Variants in PLEKHG7 observed in about 807,000 individuals in gnomAD.
PLEKHG7 encodes pleckstrin homology and RhoGEF domain containing G7, also known as pleckstrin homology domain-containing family G member 7.
PLEKHG7 carries 77 observed loss-of-function variants against 85.2 expected under a neutral mutation model. The ratio of observed to expected loss-of-function variants is 0.90; its 90% CI spans 0.75 to 1.09. The LOEUF (loss-of-function observed/expected upper bound fraction) is 1.09, where lower values mean the gene tolerates loss of function less well. Among genes scored for constraint, PLEKHG7 ranks in the 50% least tolerant of loss-of-function variants. The pLI is 0.00. For missense variants in PLEKHG7, 777 were observed against 804.3 expected, an observed-to-expected ratio of 0.97 and a Z score of 0.41; for synonymous variants, 301 against 302.4, an observed-to-expected ratio of 1.00 and a Z score of 0.05.
rs1203077794 is a variant in PLEKHG7 at position 92,749,029 on chromosome 12, G to C, written c.1251+3438G>C. On this transcript the variant is annotated intron_variant, in intron 10 of 16. Coordinates refer to ENST00000344636, the MANE Select transcript of PLEKHG7 (RefSeq NM_001377329.1). The stretch of plus-strand genomic sequence containing the variant: ...ATGCTGAAAGATATGGTTGTTCTAG[G>C]GCAGAGGTAGGATTGAATTCAGACC... Among the ~76,000 whole-genome samples, 5 of 152,158 alleles carry C rather than the reference G, an allele frequency of 3.3e-5. No individual in the cohort carries two copies. The East Asian group carries it at 7.7e-4, about 23-fold the overall frequency.
intron 13 of PLEKHG7, 70 bp from the exon 14 acceptor site, chr12:92,761,682 G>GAAAT: frequency 7.4e-7 from 1 of 1,356,948 alleles, no homozygotes; most frequent in Non-Finnish European, 9.5e-7. Flanking sequence ...AAGAAAGAAA[G>GAAAT]AAAGGGAAAG....
chr12:92,763,965 G>T (rs1326869724), intron 14 of PLEKHG7, 76 bp from the exon 15 acceptor site: 8 of 1,272,132 alleles, frequency 6.3e-6, no homozygotes, highest in Non-Finnish European at 7.6e-6. Flanking sequence ...GAATCTATTT[G>T]CTTACAGATG....
At chr12:92,740,652 TG>T (rs999870592) in intron 7 of PLEKHG7, among the ~76,000 whole-genome samples, 200 bp from the exon 8 acceptor site, 1 of 152,216 alleles carries the variant, frequency 6.6e-6, no homozygotes, top group Non-Finnish European at 1.5e-5. Context: ...ACTTTCATAC[TG>T]AAAAGCTCAT....
At chr12:92,712,154 G>T (rs777427773) in intron 3 of PLEKHG7, among the ~76,000 whole-genome samples, 1 of 152,198 alleles carries the variant, frequency 6.6e-6, no homozygotes, top group Non-Finnish European at 1.5e-5. Flanking sequence ...GCTACTTCTT[G>T]CTCACTGGAT....
At chr12:92,713,132 A>G (rs1871396818) in intron 3 of PLEKHG7, among the ~76,000 whole-genome samples, 1 of 152,228 alleles carries the variant, frequency 6.6e-6, no homozygotes, top group South Asian at 2.1e-4. Flanking sequence ...GCATATCAAA[A>G]AAAGATTCAC....
At chr12:92,736,360 G>A (rs1872149968) in intron 5 of PLEKHG7, 122 bp from the exon 6 acceptor site, 1 of 569,324 alleles carries the variant, frequency 1.8e-6, no homozygotes. Context: ...GTGGCTTAAA[G>A]ACAAAATATG....
intron 6 of PLEKHG7, among the ~76,000 whole-genome samples, chr12:92,736,783 A>T (rs1454822327): frequency 2.6e-5 from 4 of 152,208 alleles, no homozygotes; most frequent in African/African-American, 9.6e-5. Flanking sequence ...ATCTTAAATA[A>T]GGTAACAAAT....
chr12:92,771,751 G>A lies in PLEKHG7; in HGVS notation c.*1556G>A, dbSNP rs1448010591. On this transcript the variant is annotated 3_prime_UTR_variant, in exon 17 of 17. Coordinates refer to ENST00000344636, the MANE Select transcript of PLEKHG7 (RefSeq NM_001377329.1). ...TTAGATATAAACTAACCTCGGAGGT[G>A]AGCAGTGGACTAGGATGAGGTGGCC... The A allele has an allele frequency of 2.0e-5, 3 of 151,992 alleles. No individual in the cohort carries two copies. The highest frequency in any genetic ancestry group is 7.2e-5 in the African/African-American group (3 of 41,422). The allele number at this position is 151,992 out of a possible 1,614,324, so 9.4% of individuals were successfully genotyped here. A position where few individuals can be genotyped will look rare whatever the true frequency, so the allele number is the denominator to read the frequency against.
Position 92,706,821 on chromosome 12 carries a change from G to T in PLEKHG7, c.190G>T (p.Asp64Tyr), listed in dbSNP as rs779811794. 1.2e-5 allele frequency: 19 copies of T among 1,613,982 alleles called. 1 individual carries two copies. The South Asian group carries it at 2.1e-4, about 18-fold the overall frequency. ...LRTRGCGTRQ[D>Y]AWQVTTWGSW... ...GACCCGTGGCTGTGGGACAAGGCAG[G>T]ATGCCTGGCAGGTGACCACCTGGGG... Residue 64 changes from aspartate to tyrosine, a missense_variant, in exon 2 of 17, where the codon GAT becomes TAT. Transcript: ENST00000344636.
At chr12:92,716,081 T>TTTTTG (rs150207306) in intron 3 of PLEKHG7, among the ~76,000 whole-genome samples, 140 of 151,746 alleles carry the variant, frequency 9.2e-4, no homozygotes, top group Middle Eastern at 3.4e-3. Context: ...TTTTGGGGTT[T>TTTTTG]TTTTGTTTTG....
At chr12:92,758,460 G>A (rs965805521) in intron 13 of PLEKHG7, among the ~76,000 whole-genome samples, 6 of 152,214 alleles carry the variant, frequency 3.9e-5, no homozygotes, top group African/African-American at 1.4e-4. Flanking sequence ...TTAGGGTTCA[G>A]GTTTGGGCAT....
intron 15 of PLEKHG7, among the ~76,000 whole-genome samples, chr12:92,768,298 C>T (rs1354309066): frequency 2.6e-5 from 4 of 152,128 alleles, no homozygotes; most frequent in Non-Finnish European, 5.9e-5. Flanking sequence ...ATTTTAAGCG[C>T]TCCTGCTATA....
intron 13 of PLEKHG7, among the ~76,000 whole-genome samples, chr12:92,758,108 G>A (rs538068368): frequency 2.1e-4 from 32 of 152,202 alleles, no homozygotes; most frequent in African/African-American, 7.2e-4. Context: ...TTTATGACAA[G>A]AACAAATCAA....
intron 3 of PLEKHG7, among the ~76,000 whole-genome samples, chr12:92,722,509 A>C (rs1321214754): frequency 1.3e-5 from 2 of 152,184 alleles, no homozygotes; most frequent in African/African-American, 2.4e-5. Context: ...TGGGTTTTGA[A>C]CACCAAGGCA....
At chr12:92,732,837 T>C (rs1047112930) in intron 5 of PLEKHG7, among the ~76,000 whole-genome samples, 2 of 152,118 alleles carry the variant, frequency 1.3e-5, no homozygotes, top group Non-Finnish European at 2.9e-5. Context: ...GTCAAGCCGT[T>C]CCTTCTGGCA....
At chr12:92,703,176 C>T (rs1046802881) in intron 1 of PLEKHG7, 44 bp downstream of exon 1, 11 of 152,334 alleles carry the variant, frequency 7.2e-5, no homozygotes, top group African/African-American at 2.7e-4. Context: ...TTCTCTCTTG[C>T]ACTTTCCTTT....
intron 3 of PLEKHG7, among the ~76,000 whole-genome samples, chr12:92,709,159 G>T (rs1254384624): frequency 6.6e-6 from 1 of 152,218 alleles, no homozygotes; most frequent in African/African-American, 2.4e-5. Flanking sequence ...GTAGACTTGA[G>T]TCAAATAATT....
intron 16 of PLEKHG7, among the ~76,000 whole-genome samples, chr12:92,769,683 A>G (rs17790334): frequency 0.26 from 39,912 of 152,100 alleles, 5,760 homozygotes; most frequent in Non-Finnish European, 0.33. Flanking sequence ...TGCAATATTC[A>G]ATTTCCTGGG....
chr12:92,765,750 C>T (rs1167284905), intron 15 of PLEKHG7, among the ~76,000 whole-genome samples: 2 of 152,040 alleles, frequency 1.3e-5, no homozygotes, highest in East Asian at 1.9e-4. Context: ...GCTATGATTG[C>T]CACTGCACTC....
Sources: allele counts gnomAD v4.1 joint callset (sites outside exome capture counted in the v4.1 genomes callset), GRCh38; gene constraint gnomAD v4.1.1; transcripts MANE v1.5; gene names NCBI Gene and HGNC (gene_info 2026-07-23, HGNC 2026-07-21).